Variants in HPD observed in about 807,000 individuals in gnomAD.
The protein encoded by HPD is 4-hydroxyphenylpyruvate dioxygenase, also known as 4-hydroxyphenylpyruvic acid oxidase.
HPD carries 35 observed loss-of-function variants against 56.9 expected under a neutral mutation model. That is an observed-to-expected ratio of 0.62 (90% CI 0.47 to 0.82). HPD has a LOEUF of 0.82. Ranked by LOEUF, HPD falls within the 40% of genes least tolerant of loss-of-function variation. HPD has a pLI of 0.00. For missense variants in HPD, 442 were observed against 506.8 expected (o/e 0.87, Z 1.23); for synonymous variants, 186 against 200.2 (o/e 0.93, Z 0.60).
In HPD at chr12:121,857,695, C is replaced by G. The variant is rs1878054824; in HGVS notation, c.93+62G>C. On this transcript the variant is annotated intron_variant, in intron 3 of 13. Transcript: ENST00000289004. ...ATCACAGACCCTGCTGGAGGCCTGCCCTTGTCAGGCAGCCCTCTGCCCTGC... is the reference window on the plus strand; with the variant it reads ...ATCACAGACCCTGCTGGAGGCCTGCGCTTGTCAGGCAGCCCTCTGCCCTGC... 5 of 1,422,334 alleles carry G rather than the reference C, an allele frequency of 3.5e-6. No individual in the cohort carries two copies. The East Asian group carries it at 9.1e-5, about 26-fold the overall frequency. 88.1% of individuals were successfully genotyped at this position (1,422,334 alleles called of 1,614,324 possible).
At chr12:121,849,419 CTG>C (rs1335943442) in intron 8 of HPD, among the ~76,000 whole-genome samples, 1 of 152,026 alleles carries the variant, frequency 6.6e-6, no homozygotes, top group Non-Finnish European at 1.5e-5. Context: ...GATGAAGAAA[CTG>C]AGGCCTAGAG....
chr12:121,839,852 G>A lies in HPD; in HGVS notation c.1072-14C>T. Reference sequence around the variant, plus strand: ...GGCTCCAAAACCCTGTGGCGGGAAAGAGAGGAGATGAGCCAAGGACCCAGA... The same window carrying A: ...GGCTCCAAAACCCTGTGGCGGGAAAAAGAGGAGATGAGCCAAGGACCCAGA... On this transcript the variant is annotated splice_polypyrimidine_tract_variant and intron_variant, in intron 13 of 13. Transcript: ENST00000289004. 1 of 1,612,610 alleles carries A rather than the reference G, an allele frequency of 6.2e-7. No individual in the cohort carries two copies. Among genetic ancestry groups the A allele is most frequent in the Non-Finnish European group, 8.5e-7 (1 of 1,178,564 alleles).
chr12:121,884,892 C>T, the HPD span, among the ~76,000 whole-genome samples: 2 of 152,076 alleles, frequency 1.3e-5, no homozygotes, highest in South Asian at 4.2e-4. Context: ...AAATATATAT[C>T]TCTTTCTTTT....
At chr12:121,843,404 G>A (rs1177925738) in intron 12 of HPD, among the ~76,000 whole-genome samples, 1 of 152,180 alleles carries the variant, frequency 6.6e-6, no homozygotes, top group Non-Finnish European at 1.5e-5. Flanking sequence ...CACATGGCCA[G>A]CTCCCGCTCA....
At chr12:121,848,133 C>T in intron 9 of HPD, among the ~76,000 whole-genome samples, 1 of 152,040 alleles carries the variant, frequency 6.6e-6, no homozygotes, top group South Asian at 2.1e-4. Flanking sequence ...TTCCTCCAAG[C>T]CTCCCTGGAC....
the HPD span, among the ~76,000 whole-genome samples, chr12:121,877,475 T>A: frequency 6.6e-6 from 1 of 151,880 alleles, no homozygotes; most frequent in East Asian, 1.9e-4. Flanking sequence ...TTCACGCCTG[T>A]AGTCCCAGCA....
At chr12:121,866,345 A>G (rs1362257188), upstream of HPD, among the ~76,000 whole-genome samples, 2 of 150,088 alleles carry the variant, frequency 1.3e-5, no homozygotes, top group African/African-American at 2.5e-5. Flanking sequence ...GATGTTCTAG[A>G]TGGTGATGGG....
rs149281612 is a variant in HPD, at chr12:121,843,766, G to T, written c.898C>A (p.Arg300=). ...SVPSTYYKQL[R]EKLKTAKIKV... is the part of the protein sequence containing the mutation. ...ATCTTGGCCGTCTTCAGCTTCTCCC[G>T]CAGTTGTTTGTAGTACGTGGAGGGA... Residue 300 remains arginine (R), a synonymous_variant, in exon 12 of 14, where the codon CGG becomes AGG. Coordinates refer to ENST00000289004, the MANE Select transcript of HPD (RefSeq NM_002150.3). 4.6e-5 allele frequency: 75 copies of T among 1,613,890 alleles called. 1 individual carries two copies. The Middle Eastern group carries it at 8.2e-4, about 18-fold the overall frequency.
At chr12:121,863,076 A>G (rs1184720594), upstream of HPD, among the ~76,000 whole-genome samples, 1 of 150,768 alleles carries the variant, frequency 6.6e-6, no homozygotes, top group African/African-American at 2.4e-5. Context: ...TCCGCCTCCT[A>G]GGTTCAAGTG....
intron 7 of HPD, among the ~76,000 whole-genome samples, chr12:121,853,867 G>A (rs1268701828): frequency 6.6e-6 from 1 of 151,876 alleles, no homozygotes; most frequent in Non-Finnish European, 1.5e-5. Flanking sequence ...AGCCCAGGAG[G>A]CAGAGGTTGC....
At chr12:121,850,618 C>T (rs937677979) in intron 7 of HPD, among the ~76,000 whole-genome samples, 2 of 148,350 alleles carry the variant, frequency 1.3e-5, no homozygotes, top group East Asian at 2.1e-4. Context: ...GGATTATAGG[C>T]GTGTACCACC....
chr12:121,863,095 G>A (rs186418127), upstream of HPD, among the ~76,000 whole-genome samples: 12 of 151,176 alleles, frequency 7.9e-5, no homozygotes, highest in South Asian at 2.1e-4. Flanking sequence ...TGATTCTCCC[G>A]CCTCAGTCTC....
chr12:121,845,463 T>C (rs570902431), intron 11 of HPD, among the ~76,000 whole-genome samples: 8 of 150,168 alleles, frequency 5.3e-5, no homozygotes, highest in African/African-American at 1.8e-4. Context: ...TAGCTGGGCG[T>C]GGTGGCGGGT....
At chr12:121,871,188 C>G in the HPD span, among the ~76,000 whole-genome samples, 10 of 151,904 alleles carry the variant, frequency 6.6e-5, no homozygotes, top group African/African-American at 2.4e-4. Context: ...ATGGCAAAAC[C>G]CCATTTCTAC....
At chr12:121,870,088 T>TA in the HPD span, among the ~76,000 whole-genome samples, 1 of 150,798 alleles carries the variant, frequency 6.6e-6, no homozygotes, top group Admixed American at 6.6e-5. Flanking sequence ...TAAGCTGATT[T>TA]TTTTTTTTTT....
chr12:121,854,903 C>T, intron 6 of HPD, 111 bp from the exon 7 acceptor site: 1 of 813,008 alleles, frequency 1.2e-6, no homozygotes, highest in Non-Finnish European at 2.2e-6. Flanking sequence ...CCTCCAGTTT[C>T]TCCAGCCCCA....
At chr12:121,863,346 G>A (rs1592926584), upstream of HPD, among the ~76,000 whole-genome samples, 2 of 152,168 alleles carry the variant, frequency 1.3e-5, no homozygotes, top group African/African-American at 2.4e-5. Flanking sequence ...GCAACAAGCC[G>A]AGAGAGGGTA....
At chr12:121,851,401 C>T (rs1877766893) in intron 7 of HPD, among the ~76,000 whole-genome samples, 1 of 151,398 alleles carries the variant, frequency 6.6e-6, no homozygotes, top group African/African-American at 2.4e-5. Context: ...GGCTGGAGTA[C>T]AGTGGTGCAA....
At chr12:121,869,463 A>C in the HPD span, among the ~76,000 whole-genome samples, 1 of 151,570 alleles carries the variant, frequency 6.6e-6, no homozygotes, top group Admixed American at 6.6e-5. Context: ...CTGGGATTAT[A>C]GTCATGAGCC....
Sources: gnomAD v4.1 joint callset for allele counts (sites outside exome capture counted in the v4.1 genomes callset) on GRCh38, gnomAD v4.1.1 for gene constraint, MANE v1.5 for transcripts, NCBI Gene and HGNC (gene_info 2026-07-23, HGNC 2026-07-21) for gene names.